Variants in GRIK3 observed in about 807,000 individuals in gnomAD.
GRIK3 encodes glutamate receptor ionotropic, kainate 3.
GRIK3 carries 29 observed loss-of-function variants against 102.5 expected under a neutral mutation model. The ratio of observed to expected loss-of-function variants is 0.28; its 90% CI spans 0.21 to 0.39. GRIK3 has a LOEUF of 0.39. GRIK3 is among the 10% of genes least tolerant of loss of function. GRIK3 has a pLI of 1.00. For missense variants in GRIK3, 908 were observed against 1,252.4 expected (o/e 0.73, Z 4.15); for synonymous variants, 511 against 504.9 (o/e 1.01, Z -0.16).
At chr1:36,986,465 CCCAT>C (rs774258723) in intron 1 of GRIK3, among the ~76,000 whole-genome samples, 287 of 115,170 alleles carry the variant, frequency 2.5e-3, no homozygotes, top group Middle Eastern at 4.9e-3. Flanking sequence ...CATCCATCAG[CCCAT>C]CCATCCATCC....
chr1:36,895,875 G>C (rs567558423), intron 1 of GRIK3, among the ~76,000 whole-genome samples: 1 of 151,990 alleles, frequency 6.6e-6, no homozygotes, highest in African/African-American at 2.4e-5. Flanking sequence ...ATCCCAACAA[G>C]CCCGAAGAAA....
chr1:36,855,433 C>T (rs553514758), intron 7 of GRIK3, among the ~76,000 whole-genome samples: 1 of 152,310 alleles, frequency 6.6e-6, no homozygotes, highest in East Asian at 1.9e-4. Context: ...TCTCCAAGCA[C>T]ATGGGCAGCT....
chr1:36,868,303 G>A (rs1313411826), intron 5 of GRIK3, among the ~76,000 whole-genome samples: 1 of 152,190 alleles, frequency 6.6e-6, no homozygotes, highest in Non-Finnish European at 1.5e-5. Flanking sequence ...GCCAGCTTAG[G>A]TGGGCGGAAA....
rs531153653 is a variant in GRIK3 at position 37,026,373 on chromosome 1, G to A, written c.115+7621C>T. Among the ~76,000 whole-genome samples the A allele has an allele frequency of 2.3e-4, 35 of 152,268 alleles. No individual in the cohort carries two copies. The South Asian group carries it at 2.9e-3, about 13-fold the overall frequency. The stretch of plus-strand genomic sequence containing the variant: ...TCCAGTGCAGGGCCCATGGGTATGT[G>A]AGCGATGGGCATATGCCACATACAA... On this transcript the variant is annotated intron_variant, in intron 1 of 15. Coordinates refer to ENST00000373091, the MANE Select transcript of GRIK3 (RefSeq NM_000831.4).
chr1:36,900,212 C>T (rs1037427437), intron 1 of GRIK3, among the ~76,000 whole-genome samples: 3 of 152,146 alleles, frequency 2.0e-5, no homozygotes, highest in Admixed American at 1.3e-4. Flanking sequence ...CTTAGACCAC[C>T]GTGGAATTAA....
intron 14 of GRIK3, 40 bp from the exon 15 acceptor site, chr1:36,805,277 T>A: frequency 1.8e-5 from 28 of 1,565,276 alleles, no homozygotes; most frequent in Non-Finnish European, 2.4e-5. Flanking sequence ...CAGTGGCGTG[T>A]GGCCCATTCT....
rs993016001 is a variant in GRIK3 at position 36,859,346 on chromosome 1, C to T, written c.961-95G>A. 3.0e-6 allele frequency: 4 copies of T among 1,344,876 alleles called. No individual in the cohort carries two copies. The African/African-American group carries it at 4.4e-5, about 15-fold the overall frequency. The allele number at this position is 1,344,876 out of a possible 1,614,324, so 83.3% of individuals were successfully genotyped here. A position where few individuals can be genotyped will look rare whatever the true frequency, so the allele number is the denominator to read the frequency against. ...CCCTTCTCCTCCCTTGCCACAGGTA[C>T]ATGATGTCCTGGTGAGCGAACAGGC... On this transcript the variant is annotated intron_variant, in intron 6 of 15. Coordinates refer to ENST00000373091, the MANE Select transcript of GRIK3 (RefSeq NM_000831.4).
chr1:36,972,825 A>T (rs1240690709), intron 1 of GRIK3, among the ~76,000 whole-genome samples: 2 of 152,170 alleles, frequency 1.3e-5, no homozygotes, highest in African/African-American at 4.8e-5. Context: ...GCCCAGTTCC[A>T]TGTGACCCTT....
intron 1 of GRIK3, among the ~76,000 whole-genome samples, chr1:36,980,395 G>A: frequency 6.6e-6 from 1 of 151,756 alleles, no homozygotes; most frequent in East Asian, 2.0e-4. Context: ...GTGCCATGCT[G>A]CTTCTCACAC....
In GRIK3 at chr1:36,958,109, C is replaced by T. The variant is rs1163116337; in HGVS notation, c.116-67013G>A. 2.3e-4 allele frequency among the ~76,000 whole-genome samples: 17 copies of T among 74,678 alleles called. 2 individuals carry two copies. The highest frequency in any genetic ancestry group is 2.7e-4 in the Non-Finnish European group (11 of 41,418). 49.0% of individuals were successfully genotyped at this position (74,678 alleles called of 152,430 possible). On this transcript the variant is annotated intron_variant, in intron 1 of 15. Transcript: ENST00000373091. ...CTGCGCCCTGTGAGCCTGTGTGCCCCGTGAGTCTGTGTCCCATGAGTCTGT... is the reference window on the plus strand; with the variant it reads ...CTGCGCCCTGTGAGCCTGTGTGCCCTGTGAGTCTGTGTCCCATGAGTCTGT...
intron 9 of GRIK3, among the ~76,000 whole-genome samples, chr1:36,848,566 C>A (rs1640544595): frequency 6.6e-6 from 1 of 151,834 alleles, no homozygotes; most frequent in African/African-American, 2.4e-5. Flanking sequence ...TTTAATTTTT[C>A]ATCTTTCTTA....
chr1:36,837,445 C>G (rs1640392882), intron 10 of GRIK3, among the ~76,000 whole-genome samples: 1 of 152,084 alleles, frequency 6.6e-6, no homozygotes, highest in Non-Finnish European at 1.5e-5. Context: ...CAATCGGGAG[C>G]CTCATCAGTT....
chr1:36,921,834 G>C (rs149362251), intron 1 of GRIK3, among the ~76,000 whole-genome samples: 5 of 152,208 alleles, frequency 3.3e-5, no homozygotes, highest in Admixed American at 6.5e-5. Flanking sequence ...GCCCTGCTTT[G>C]TCCTGAGGGT....
chr1:36,920,277 A>G (rs537432441), intron 1 of GRIK3, among the ~76,000 whole-genome samples: 1 of 152,084 alleles, frequency 6.6e-6, no homozygotes, highest in African/African-American at 2.4e-5. Flanking sequence ...CTGTTACTCA[A>G]CCCCTCTGCC....
chr1:37,018,965 G>A (rs35175735), intron 1 of GRIK3, among the ~76,000 whole-genome samples: 6 of 152,114 alleles, frequency 3.9e-5, no homozygotes, highest in Non-Finnish European at 5.9e-5. Flanking sequence ...CCCCCGAAGC[G>A]ACTGACTTCC....
chr1:36,923,528 G>A (rs1641496066), intron 1 of GRIK3, among the ~76,000 whole-genome samples: 1 of 152,178 alleles, frequency 6.6e-6, no homozygotes, highest in African/African-American at 2.4e-5. Flanking sequence ...TGGGTGAGGT[G>A]GACACCACTG....
rs2124178710 is a variant in GRIK3 at position 36,806,888 on chromosome 1, G to A, written c.2092-562C>T. Reference sequence around the variant, plus strand: ...CTGCCTCACAGAAACCACTGTGAGGGTGGAGGGGGAGAGACAGCTGCTCAT... The same window carrying A: ...CTGCCTCACAGAAACCACTGTGAGGATGGAGGGGGAGAGACAGCTGCTCAT... On this transcript the variant is annotated intron_variant, in intron 13 of 15. Transcript: ENST00000373091. This position sits in a 1 kb window ranked among gnomAD's most constrained non-coding sequence, Gnocchi z 4.0. Among the ~76,000 whole-genome samples the A allele has an allele frequency of 6.6e-6, 1 of 152,352 alleles. No homozygotes were observed. Among genetic ancestry groups the A allele is most frequent in the Non-Finnish European group, 1.5e-5 (1 of 68,042 alleles).
chr1:36,881,897 T>C (rs542776310), intron 2 of GRIK3, among the ~76,000 whole-genome samples: 4 of 152,308 alleles, frequency 2.6e-5, no homozygotes, highest in African/African-American at 9.6e-5. Context: ...CTCCTCTGGC[T>C]TCCATGATGC....
intron 5 of GRIK3, among the ~76,000 whole-genome samples, chr1:36,860,318 A>G (rs1456608004): frequency 6.6e-6 from 1 of 152,198 alleles, no homozygotes; most frequent in Non-Finnish European, 1.5e-5. Context: ...GAAATAGTTC[A>G]CATAAAATAC....
Sources: allele counts gnomAD v4.1 joint callset (sites outside exome capture counted in the v4.1 genomes callset), GRCh38; gene constraint gnomAD v4.1.1; non-coding constraint Gnocchi (gnomAD v3.1); transcripts MANE v1.5; gene names NCBI Gene and HGNC (gene_info 2026-07-23, HGNC 2026-07-21).